The following PRDM15 variants were observed in gnomAD, a reference collection of about 807,000 sequenced individuals.
The protein encoded by PRDM15 is PR domain zinc finger protein 15.
Under a neutral mutation model 128.6 loss-of-function variants are expected in PRDM15, and 64 were observed. That is an observed-to-expected ratio of 0.50 (90% CI 0.41 to 0.61). PRDM15 has a LOEUF of 0.61. PRDM15 is among the 20% of genes least tolerant of loss of function. PRDM15 has a pLI of 0.00. For synonymous variants in PRDM15, 615 were observed against 621.8 expected (o/e 0.99, Z 0.16); for missense variants, 1,242 against 1,569.1 (o/e 0.79, Z 3.52).
intron 11 of PRDM15, among the ~76,000 whole-genome samples, chr21:41,831,913 G>T (rs571015849): frequency 1.3e-5 from 2 of 152,214 alleles, no homozygotes; most frequent in East Asian, 3.9e-4. Context: ...CAGATGCTAC[G>T]CTGAGTCCCA....
chr21:41,850,720 A>G (rs2063402843), intron 5 of PRDM15, among the ~76,000 whole-genome samples: 2 of 152,208 alleles, frequency 1.3e-5, no homozygotes, highest in African/African-American at 4.8e-5. Context: ...CAACAGTGCC[A>G]GACCCTATCT....
chr21:41,846,321 CAG>C (rs1472388602), intron 6 of PRDM15, among the ~76,000 whole-genome samples: 3 of 152,234 alleles, frequency 2.0e-5, no homozygotes, highest in Admixed American at 2.0e-4. Context: ...GAGAAATAAA[CAG>C]AAAGTTCCCA....
chr21:41,858,007 G>A (rs566335508), intron 3 of PRDM15, among the ~76,000 whole-genome samples: 133 of 152,326 alleles, frequency 8.7e-4, no homozygotes, highest in Admixed American at 2.8e-3. Context: ...TGGTGGGGCT[G>A]CTACGGGACA....
Position 41,839,676 on chromosome 21 carries a change from T to C in PRDM15, c.818A>G (p.Lys273Arg), listed in dbSNP as rs752674050. ...KKKPRRGRKPKVSKAEQPLVI... is the reference protein window; with the variant it reads ...KKKPRRGRKPRVSKAEQPLVI... ...TAGAGGCTGCTCAGCTTTGGACACTTTGGGTTTTCTCCCCCTTCGAGGCTT... is the reference window on the plus strand; with the variant it reads ...TAGAGGCTGCTCAGCTTTGGACACTCTGGGTTTTCTCCCCCTTCGAGGCTT... Residue 273 changes from lysine to arginine, a missense_variant, in exon 7 of 24, where the codon AAA (lysine) becomes AGA (arginine). By Grantham distance (26) the Lys-to-Arg change is conservative. Coordinates refer to ENST00000398548, the MANE Select transcript of PRDM15 (RefSeq NM_001040424.3). 6.2e-7 allele frequency: 1 copy of C among 1,614,244 alleles called. No individual in the cohort carries two copies. The highest frequency in any genetic ancestry group is 8.5e-7 in the Non-Finnish European group (1 of 1,180,048).
chr21:41,872,944 G>A (rs557280003), intron 1 of PRDM15, among the ~76,000 whole-genome samples: 11 of 152,324 alleles, frequency 7.2e-5, no homozygotes, highest in South Asian at 6.2e-4. Flanking sequence ...TGTGCTGCAC[G>A]TGCACGGGTT....
chr21:41,834,390 C>T (rs2062797927), intron 11 of PRDM15: 8 of 907,892 alleles, frequency 8.8e-6, no homozygotes, highest in African/African-American at 1.6e-5. Flanking sequence ...TCCGCTGCTG[C>T]AGGTGCCCTG....
At chr21:41,850,476 G>A (rs1220387008) in intron 5 of PRDM15, among the ~76,000 whole-genome samples, 1 of 152,116 alleles carries the variant, frequency 6.6e-6, no homozygotes, top group East Asian at 1.9e-4. Flanking sequence ...CTTCACGCCT[G>A]GAATCCCAGC....
chr21:41,838,857 C>A (rs768906400), intron 7 of PRDM15, among the ~76,000 whole-genome samples: 1 of 152,234 alleles, frequency 6.6e-6, no homozygotes, highest in Non-Finnish European at 1.5e-5. Flanking sequence ...AATAAGGACT[C>A]CTTTTCACTC....
intron 6 of PRDM15, among the ~76,000 whole-genome samples, chr21:41,846,204 G>C (rs970494415): frequency 6.6e-6 from 1 of 152,174 alleles, no homozygotes; most frequent in African/African-American, 2.4e-5. Flanking sequence ...CACATGTGAC[G>C]AATGCCACAA....
chr21:41,804,442 TC>T (rs1303497825), intron 22 of PRDM15, 91 bp downstream of exon 22: 4 of 999,312 alleles, frequency 4.0e-6, no homozygotes, highest in Non-Finnish European at 6.1e-6. Context: ...CCAGAGCTGC[TC>T]CCTCCCGGCC....
chr21:41,808,246 T>TCC (rs2061743632), intron 21 of PRDM15, among the ~76,000 whole-genome samples: 1 of 152,100 alleles, frequency 6.6e-6, no homozygotes, highest in African/African-American at 2.4e-5. Flanking sequence ...GGGTTCCTAC[T>TCC]CCCCCGACTC....
In PRDM15 at chr21:41,801,436, T is replaced by C. The variant is rs2061413635; in HGVS notation, c.3230A>G (p.His1077Arg). Residue 1077 changes from histidine to arginine, a missense_variant, in exon 24 of 24, where the codon CAT becomes CGT. Around this residue, in one of 3 missense-constraint regions of PRDM15, gnomAD observed 602 missense variants for 788.3 expected, o/e 0.76. Transcript: ENST00000398548. ...PEASNPQSVA[H>R]FINLTTLVNS... is the part of the protein sequence containing the mutation. ...GACCAGGGTCGTCAGGTTGATGAAATGGGCCACAGACTGTGGGTTCGAGGC... is the reference window on the plus strand; with the variant it reads ...GACCAGGGTCGTCAGGTTGATGAAACGGGCCACAGACTGTGGGTTCGAGGC... The C allele has an allele frequency of 1.2e-6, 2 of 1,614,012 alleles. No homozygotes were observed. Among genetic ancestry groups the C allele is most frequent in the Non-Finnish European group, 1.7e-6 (2 of 1,179,962 alleles).
intron 1 of PRDM15, among the ~76,000 whole-genome samples, chr21:41,869,613 ATT>A (rs2064141850): frequency 6.6e-6 from 1 of 151,740 alleles, no homozygotes; most frequent in South Asian, 2.1e-4. Context: ...CGCCTGGCTA[ATT>A]TTGCATTTTT....
intron 5 of PRDM15, among the ~76,000 whole-genome samples, chr21:41,849,111 A>AAAAC (rs897860294): frequency 6.6e-6 from 1 of 152,252 alleles, no homozygotes; most frequent in Non-Finnish European, 1.5e-5. Context: ...TGCAGAGTTT[A>AAAAC]AAACAAACAA....
chr21:41,874,266 C>T (rs73361595), intron 1 of PRDM15, among the ~76,000 whole-genome samples: 29,811 of 151,270 alleles, frequency 0.2, 4,116 homozygotes, highest in African/African-American at 0.39. Flanking sequence ...TAGCGTATTT[C>T]AAAAAGCAGA....
chr21:41,802,564 G>GA, intron 23 of PRDM15, 148 bp downstream of exon 23: 1 of 711,324 alleles, frequency 1.4e-6, no homozygotes, highest in Non-Finnish European at 2.5e-6. Flanking sequence ...ATGCTTAAGT[G>GA]AAAAACAGAA....
rs533241740 is a variant in PRDM15 at position 41,832,348 on chromosome 21, A to G, written c.1366+3089T>C. On this transcript the variant is annotated intron_variant, in intron 11 of 23. Coordinates refer to ENST00000398548, the MANE Select transcript of PRDM15 (RefSeq NM_001040424.3). The surrounding 1 kb of genome is among the most constrained non-coding windows in gnomAD (Gnocchi z 4.2). The stretch of plus-strand genomic sequence containing the variant: ...AGGCCACACCTTACAGCACTGTGGC[A>G]TCGGATCACCACAGGCCACACCTTT... Among the ~76,000 whole-genome samples, 6 of 152,048 alleles carry G rather than the reference A, an allele frequency of 3.9e-5. No homozygotes were observed. Among genetic ancestry groups the G allele is most frequent in the Non-Finnish European group, 7.4e-5 (5 of 68,002 alleles).
intron 1 of PRDM15, chr21:41,871,780 T>C: frequency 1.3e-6 from 1 of 763,200 alleles, no homozygotes. Context: ...CCTCCAGACC[T>C]GCTGCGTTTC....
intron 18 of PRDM15, among the ~76,000 whole-genome samples, chr21:41,818,634 C>T (rs1046282060): frequency 2.6e-5 from 4 of 152,108 alleles, no homozygotes; most frequent in Non-Finnish European, 4.4e-5. Flanking sequence ...CGTTATTCTA[C>T]GGGTGCTCAT....
Sources: allele counts gnomAD v4.1 joint callset (sites outside exome capture counted in the v4.1 genomes callset), GRCh38; gene constraint gnomAD v4.1.1; regional missense constraint gnomAD v4.1.1; non-coding constraint Gnocchi (gnomAD v3.1); transcripts MANE v1.5; gene names NCBI Gene and HGNC (gene_info 2026-07-23, HGNC 2026-07-21).